The following RHBDD1 variants were observed in gnomAD, a reference collection of about 807,000 sequenced individuals.
The protein encoded by RHBDD1 is rhomboid-related protein 4.
RHBDD1 carries 38 observed loss-of-function variants against 36.3 expected under a neutral mutation model. That is an observed-to-expected ratio of 1.05 (90% CI 0.81 to 1.37). The LOEUF (loss-of-function observed/expected upper bound fraction) is 1.37. Ranked by LOEUF, RHBDD1 falls within the 40% of genes most tolerant of loss-of-function variation. RHBDD1 has a pLI of 0.00. For missense variants in RHBDD1, 393 were observed against 377.6 expected (o/e 1.04, Z -0.34); for synonymous variants, 151 against 136.5 (o/e 1.11, Z -0.74).
At chr2:226,880,610 A>G (rs1268697296) in intron 5 of RHBDD1, among the ~76,000 whole-genome samples, 2 of 152,192 alleles carry the variant, frequency 1.3e-5, no homozygotes, top group African/African-American at 2.4e-5. Flanking sequence ...GTGGAGAGAG[A>G]CAGAAGCCCC....
intron 8 of RHBDD1, among the ~76,000 whole-genome samples, chr2:226,926,319 C>G (rs1043192323): frequency 6.6e-6 from 1 of 151,866 alleles, no homozygotes; most frequent in Admixed American, 6.6e-5. Flanking sequence ...TAACACCTAC[C>G]ATTTAGTCCA....
chr2:226,962,114 G>T (rs1426624345), intron 8 of RHBDD1, among the ~76,000 whole-genome samples: 3 of 152,176 alleles, frequency 2.0e-5, no homozygotes, highest in Non-Finnish European at 4.4e-5. Context: ...CCAGTAACCT[G>T]TAGAATTCTT....
intron 8 of RHBDD1, among the ~76,000 whole-genome samples, chr2:226,978,387 T>C (rs984287490): frequency 1.4e-4 from 21 of 152,182 alleles, no homozygotes; most frequent in Non-Finnish European, 2.4e-4. Flanking sequence ...GGGAAACATG[T>C]GTGTACTGGT....
At chr2:226,885,441 T>C (rs1946124723) in intron 5 of RHBDD1, among the ~76,000 whole-genome samples, 1 of 152,162 alleles carries the variant, frequency 6.6e-6, no homozygotes, top group Non-Finnish European at 1.5e-5. Flanking sequence ...CATGACTCAA[T>C]AAATCATGTT....
chr2:226,972,941 A>C (rs971335860), intron 8 of RHBDD1, among the ~76,000 whole-genome samples: 12 of 151,790 alleles, frequency 7.9e-5, no homozygotes, highest in Admixed American at 5.9e-4. Flanking sequence ...AAAAAAAAAA[A>C]AAAACAAAAA....
chr2:226,812,358 A>T, the RHBDD1 span, among the ~76,000 whole-genome samples: 1 of 152,272 alleles, frequency 6.6e-6, no homozygotes, highest in South Asian at 2.1e-4. Context: ...AAAAATTTTG[A>T]ATGCTGATAA....
chr2:226,931,797 T>G (rs1370352164), intron 8 of RHBDD1, among the ~76,000 whole-genome samples: 1 of 152,124 alleles, frequency 6.6e-6, no homozygotes, highest in Non-Finnish European at 1.5e-5. Context: ...TTAGTTCTTT[T>G]TTAAAATTAC....
chr2:226,943,744 A>G (rs1950805311), intron 8 of RHBDD1, among the ~76,000 whole-genome samples: 1 of 152,218 alleles, frequency 6.6e-6, no homozygotes, highest in African/African-American at 2.4e-5. Context: ...GAGGAGGGAA[A>G]TAAGTCCCTG....
At chr2:226,842,663 G>A (rs1461385100) in intron 3 of RHBDD1, among the ~76,000 whole-genome samples, 1 of 152,132 alleles carries the variant, frequency 6.6e-6, no homozygotes, top group Non-Finnish European at 1.5e-5. Context: ...TCTTGTACCA[G>A]TACCATGCTG....
chr2:226,855,366 G>A (rs1574819132), intron 3 of RHBDD1, among the ~76,000 whole-genome samples: 1 of 152,186 alleles, frequency 6.6e-6, no homozygotes, highest in African/African-American at 2.4e-5. Flanking sequence ...AACTAGCTGG[G>A]TGTGGTGACA....
At chr2:226,846,098 A>G (rs1033324835) in intron 3 of RHBDD1, among the ~76,000 whole-genome samples, 2 of 152,186 alleles carry the variant, frequency 1.3e-5, no homozygotes, top group Non-Finnish European at 2.9e-5. Flanking sequence ...ATTGGTGGTC[A>G]GGATTATATA....
chr2:226,871,314 T>G (rs1205785117), intron 5 of RHBDD1, among the ~76,000 whole-genome samples: 1 of 152,198 alleles, frequency 6.6e-6, no homozygotes, highest in Non-Finnish European at 1.5e-5. Flanking sequence ...GTAAACATAA[T>G]AACTTCACCC....
chr2:226,819,459 T>C, the RHBDD1 span, among the ~76,000 whole-genome samples: 2 of 152,206 alleles, frequency 1.3e-5, no homozygotes, highest in African/African-American at 4.8e-5. Context: ...ATTTAACCAT[T>C]TTAAAAACCA....
intron 5 of RHBDD1, among the ~76,000 whole-genome samples, chr2:226,897,166 C>T (rs1947162230): frequency 6.6e-6 from 1 of 152,152 alleles, no homozygotes; most frequent in Non-Finnish European, 1.5e-5. Context: ...CTTGTAGCTG[C>T]CTGAATCTTC....
intron 5 of RHBDD1, among the ~76,000 whole-genome samples, chr2:226,871,511 A>G (rs1944794471): frequency 6.6e-6 from 1 of 152,240 alleles, no homozygotes; most frequent in South Asian, 2.1e-4. Context: ...ACCAGGATCC[A>G]AAATTCATAT....
chr2:226,993,840 C>G (rs1265059234), intron 8 of RHBDD1, among the ~76,000 whole-genome samples: 1 of 152,236 alleles, frequency 6.6e-6, no homozygotes, highest in East Asian at 1.9e-4. Flanking sequence ...ACTGCTTTCT[C>G]TAACATCTTT....
chr2:226,815,470 T>C, the RHBDD1 span, among the ~76,000 whole-genome samples: 1 of 152,240 alleles, frequency 6.6e-6, no homozygotes, highest in African/African-American at 2.4e-5. Context: ...AAAGTTATTA[T>C]ATATTTCATC....
intron 3 of RHBDD1, among the ~76,000 whole-genome samples, chr2:226,846,718 G>T (rs906601211): frequency 2.4e-4 from 34 of 143,260 alleles, no homozygotes; most frequent in African/African-American, 8.8e-4. Context: ...TTGCACTCCA[G>T]CCTGGGCAAC....
intron 3 of RHBDD1, among the ~76,000 whole-genome samples, chr2:226,859,278 T>G (rs1223903404): frequency 1.3e-5 from 2 of 152,216 alleles, no homozygotes; most frequent in Non-Finnish European, 2.9e-5. Flanking sequence ...GATGATTGTG[T>G]CAGCACTGAA....
Sources: gnomAD v4.1 joint callset for allele counts (sites outside exome capture counted in the v4.1 genomes callset) on GRCh38, gnomAD v4.1.1 for gene constraint, MANE v1.5 for transcripts, NCBI Gene and HGNC (gene_info 2026-07-23, HGNC 2026-07-21) for gene names.